Variants in SLC9A3 observed in about 807,000 individuals in gnomAD.
The protein encoded by SLC9A3 is solute carrier family 9 member A3.
In SLC9A3, 37 loss-of-function variants were observed where a neutral mutation model predicts 86.8. That is an observed-to-expected ratio of 0.43 (90% CI 0.33 to 0.56). SLC9A3 has a LOEUF of 0.56. Among genes scored for constraint, SLC9A3 ranks in the 20% least tolerant of loss-of-function variants. SLC9A3 has a pLI of 0.06. For missense variants in SLC9A3, 1,011 were observed against 1,171.9 expected (o/e 0.86, Z 2.00); for synonymous variants, 581 against 528.3 (o/e 1.10, Z -1.37).
rs376654563 is a variant in SLC9A3, at chr5:476,107, T to C, written c.2068-15A>G. On this transcript the variant is annotated splice_polypyrimidine_tract_variant and intron_variant, in intron 13 of 16. Coordinates refer to ENST00000264938, the MANE Select transcript of SLC9A3 (RefSeq NM_004174.4). ...CTGCTGTTTCTCTGCGGAGCAAACG[T>C]GAAGCTGCTCACACCCCGACACAGC... 1.2e-5 allele frequency: 20 copies of C among 1,612,948 alleles called. No individual in the cohort carries two copies. The African/African-American group carries it at 2.7e-4, about 22-fold the overall frequency.
At position 473,180 on chromosome 5, in the gene SLC9A3, G is replaced by T; in HGVS notation, c.*199C>A. On this transcript the variant is annotated 3_prime_UTR_variant, in exon 17 of 17. Coordinates refer to ENST00000264938, the MANE Select transcript of SLC9A3 (RefSeq NM_004174.4). ...CCGGCGCAGGCCCCGCCCCCGGCTC[G>T]CCCTCGGGCGGCTCTGCGGGCGCAG... 7 of 383,932 alleles carry T rather than the reference G, an allele frequency of 1.8e-5. No homozygotes were observed. Among genetic ancestry groups the T allele is most frequent in the South Asian group, 1.4e-4 (1 of 7,030 alleles). 23.8% of individuals were successfully genotyped at this position (383,932 alleles called of 1,614,324 possible). A position where few individuals can be genotyped will look rare whatever the true frequency, so the allele number is the denominator to read the frequency against.
intron 1 of SLC9A3, among the ~76,000 whole-genome samples, chr5:512,584 G>T (rs768293572): frequency 6.6e-5 from 10 of 152,202 alleles, no homozygotes; most frequent in Middle Eastern, 3.2e-3. Flanking sequence ...TAGGGGGAGT[G>T]GGGGGTGGAA....
intron 15 of SLC9A3, 51 bp downstream of exon 15, chr5:475,510 G>GGGGGC: frequency 8.9e-7 from 1 of 1,127,640 alleles, no homozygotes; most frequent in Non-Finnish European, 1.3e-6. Flanking sequence ...CCCTCCTGGG[G>GGGGGC]CGGCAGGAGC....
At chr5:487,875 C>A (rs1469473718) in intron 3 of SLC9A3, among the ~76,000 whole-genome samples, 1 of 152,100 alleles carries the variant, frequency 6.6e-6, no homozygotes, top group Non-Finnish European at 1.5e-5. Context: ...ACCATGTTGG[C>A]CAGGCTGGTC....
intron 14 of SLC9A3, 79 bp downstream of exon 14, chr5:475,941 G>A (rs1738698484): frequency 8.0e-6 from 10 of 1,252,934 alleles, no homozygotes; most frequent in Admixed American, 2.3e-5. Context: ...CCTGAGAGGG[G>A]AGGTTCCCGA....
intron 8 of SLC9A3, 53 bp from the exon 9 acceptor site, chr5:481,688 G>T: frequency 6.9e-7 from 1 of 1,449,056 alleles, no homozygotes. Flanking sequence ...CGGGGAACAT[G>T]AGGTGCCCCT....
At chr5:475,798 AACC>A in intron 14 of SLC9A3, 127 bp from the exon 15 acceptor site, 2 of 702,338 alleles carry the variant, frequency 2.8e-6, no homozygotes, top group Non-Finnish European at 5.0e-6. Flanking sequence ...AGGAGGGCTA[AACC>A]GCAGGGCTGG....
At chr5:513,405 C>T (rs543285776) in intron 1 of SLC9A3, among the ~76,000 whole-genome samples, 1 of 152,288 alleles carries the variant, frequency 6.6e-6, no homozygotes, top group South Asian at 2.1e-4. Context: ...GGCCTTCACA[C>T]ATGGGAGCCC....
At position 486,826 on chromosome 5, in the gene SLC9A3, C is replaced by T. The variant is rs1005643867; in HGVS notation, c.675+1490G>A. ...AAGGCACCGTCTGCAAGTCCAGGAC[C>T]GGGGTCCCGCAGGAGCCCACCACAC... On this transcript the variant is annotated intron_variant, in intron 3 of 16. Transcript: ENST00000264938. Among the ~76,000 whole-genome samples, 7 of 152,196 alleles carry T rather than the reference C, an allele frequency of 4.6e-5. No individual in the cohort carries two copies. The South Asian group carries it at 6.2e-4, about 14-fold the overall frequency.
Position 488,416 on chromosome 5 carries a change from T to C in SLC9A3, c.575A>G (p.Asp192Gly). 1 of 1,604,710 alleles carries C rather than the reference T, an allele frequency of 6.2e-7. No individual in the cohort carries two copies. The highest frequency in any genetic ancestry group is 8.5e-7 in the Non-Finnish European group (1 of 1,175,436). The change falls in exon 3 of 17, where the codon GAC becomes GGC. Residue 192 changes from aspartate (D) to glycine (G), a missense_variant. By Grantham distance (94) the Asp-to-Gly change is moderately conservative (BLOSUM62 -1). Coordinates refer to ENST00000264938, the MANE Select transcript of SLC9A3 (RefSeq NM_004174.4). Reference sequence around the variant, plus strand: ...AAACACGGCCAGGACGGCCACCGGGTCCACAGCCGCCATGAGGCTGCCAAA... The same window carrying C: ...AAACACGGCCAGGACGGCCACCGGGCCCACAGCCGCCATGAGGCTGCCAAA... ...LLFGSLMAAV[D>G]PVAVLAVFEE...
chr5:514,859 G>A (rs1039305192), intron 1 of SLC9A3, among the ~76,000 whole-genome samples: 1 of 152,226 alleles, frequency 6.6e-6, no homozygotes, highest in African/African-American at 2.4e-5. Context: ...CAGAAAGGAG[G>A]AAGCTGCCAG....
At chr5:475,954 C>A (rs1250780765) in intron 14 of SLC9A3, 66 bp downstream of exon 14, 2 of 1,382,122 alleles carry the variant, frequency 1.4e-6, no homozygotes, top group East Asian at 2.4e-5. Flanking sequence ...GTTCCCGAGC[C>A]GGGAGGGCTG....
Position 471,978 on chromosome 5 carries a change from T to C in SLC9A3, c.*1401A>G. On this transcript the variant is annotated 3_prime_UTR_variant, in exon 17 of 17. Coordinates refer to ENST00000264938, the MANE Select transcript of SLC9A3 (RefSeq NM_004174.4). ...GTCAACACTTGATCTGAAACGTGAA[T>C]AGTTTAATTTTCCTGAGCAAGGAGC... The C allele has an allele frequency of 2.2e-6, 1 of 456,648 alleles. No individual in the cohort carries two copies. The highest frequency in any genetic ancestry group is 4.4e-6 in the Non-Finnish European group (1 of 226,970). 28.3% of individuals were successfully genotyped at this position (456,648 alleles called of 1,614,324 possible). A position where few individuals can be genotyped will look rare whatever the true frequency, so the allele number is the denominator to read the frequency against.
intron 1 of SLC9A3, among the ~76,000 whole-genome samples, chr5:521,724 T>G (rs1418916434): frequency 6.6e-6 from 1 of 152,170 alleles, no homozygotes; most frequent in Non-Finnish European, 1.5e-5. Flanking sequence ...CCCGCTGTGG[T>G]GCAGGCTTGG....
chr5:524,097 C>A lies in SLC9A3; in HGVS notation c.211+15G>T. 6.7e-7 allele frequency: 1 copy of A among 1,481,622 alleles called. No individual in the cohort carries two copies. Among genetic ancestry groups the A allele is most frequent in the Non-Finnish European group, 9.0e-7 (1 of 1,109,992 alleles). The allele number at this position is 1,481,622 out of a possible 1,614,324, so 91.8% of individuals were successfully genotyped here. A position where few individuals can be genotyped will look rare whatever the true frequency, so the allele number is the denominator to read the frequency against. The stretch of plus-strand genomic sequence containing the variant: ...ACACCCCGCGGGCAGATCCGGAGAC[C>A]CCGGGGCCACTTACCGATCTTGGCC... On this transcript the variant is annotated intron_variant, in intron 1 of 16. Coordinates refer to ENST00000264938, the MANE Select transcript of SLC9A3 (RefSeq NM_004174.4).
intron 3 of SLC9A3, among the ~76,000 whole-genome samples, chr5:487,023 A>C (rs1245588932): frequency 6.9e-5 from 2 of 29,140 alleles, no homozygotes; most frequent in African/African-American, 2.1e-4. Flanking sequence ...CCGCACTGAC[A>C]CCCACCACAC....
intron 1 of SLC9A3, among the ~76,000 whole-genome samples, chr5:493,642 A>T (rs1243344540): frequency 2.6e-5 from 4 of 152,230 alleles, no homozygotes; most frequent in African/African-American, 9.6e-5. Context: ...GGCCACCAGC[A>T]CTGCACTGCG....
chr5:504,382 C>T (rs1740447623), intron 1 of SLC9A3, among the ~76,000 whole-genome samples: 1 of 152,222 alleles, frequency 6.6e-6, no homozygotes, highest in Non-Finnish European at 1.5e-5. Flanking sequence ...GGGCTGCAGC[C>T]AGGGCCCAGG....
In SLC9A3 at chr5:476,618, C is replaced by T. The variant is rs1360743818; in HGVS notation, c.1815G>A (p.Arg605=). 4 of 1,609,618 alleles carry T rather than the reference C, an allele frequency of 2.5e-6. No individual in the cohort carries two copies. The highest frequency in any genetic ancestry group is 1.7e-4 in the Middle Eastern group (1 of 6,056). Residue 605 remains arginine, a synonymous_variant, in exon 12 of 17, where the codon CGG becomes CGA. Coordinates refer to ENST00000264938, the MANE Select transcript of SLC9A3 (RefSeq NM_004174.4). The stretch of plus-strand genomic sequence containing the variant: ...TGTCCTCCGCGTCCCGGATGCTCCG[C>T]CGTCGCTGCTCCAGAGACTGCATGT... ...CLDMQSLEQR[R]RSIRDAEDMV...
Sources: gnomAD v4.1 joint callset for allele counts (sites outside exome capture counted in the v4.1 genomes callset) on GRCh38, gnomAD v4.1.1 for gene constraint, MANE v1.5 for transcripts, NCBI Gene and HGNC (gene_info 2026-07-23, HGNC 2026-07-21) for gene names.